Variants in DNAJC6 observed in about 807,000 individuals in gnomAD.
DNAJC6 encodes the protein DnaJ heat shock protein family (Hsp40) member C6, also known as auxilin.
DNAJC6 carries 34 observed loss-of-function variants against 110.0 expected under a neutral mutation model. That is an observed-to-expected ratio of 0.31 (90% CI 0.24 to 0.41). The LOEUF (loss-of-function observed/expected upper bound fraction) is 0.41. Ranked by LOEUF, DNAJC6 falls within the 10% of genes least tolerant of loss-of-function variation. DNAJC6 has a pLI of 1.00. For missense variants in DNAJC6, 1,031 were observed against 1,207.8 expected, an observed-to-expected ratio of 0.85 and a Z score of 2.17; for synonymous variants, 406 against 437.2, an observed-to-expected ratio of 0.93 and a Z score of 0.89.
intron 1 of DNAJC6, among the ~76,000 whole-genome samples, chr1:65,314,481 T>G (rs6588129): frequency 0.47 from 71,636 of 152,060 alleles, 17,444 homozygotes; most frequent in Non-Finnish European, 0.56. Context: ...TTTATATAAC[T>G]TATTTTTTAT....
intron 4 of DNAJC6, among the ~76,000 whole-genome samples, chr1:65,371,084 A>T (rs892546453): frequency 6.6e-6 from 1 of 152,218 alleles, no homozygotes; most frequent in Middle Eastern, 3.2e-3. Context: ...CATGAATTGA[A>T]TGTCTTAACC....
intron 1 of DNAJC6, among the ~76,000 whole-genome samples, chr1:65,271,625 C>T (rs373009500): frequency 2.1e-4 from 32 of 151,922 alleles, no homozygotes; most frequent in African/African-American, 6.8e-4. Flanking sequence ...CTAGCACTTT[C>T]GGAGGTGGAG....
intron 1 of DNAJC6, among the ~76,000 whole-genome samples, chr1:65,326,178 C>A (rs1017509454): frequency 1.3e-5 from 2 of 152,174 alleles, no homozygotes; most frequent in African/African-American, 4.8e-5. Flanking sequence ...TGGGAGAGAA[C>A]CTGGGACTGT....
chr1:65,346,353 T>G (rs757793718), intron 1 of DNAJC6, among the ~76,000 whole-genome samples: 1 of 151,448 alleles, frequency 6.6e-6, no homozygotes, highest in Non-Finnish European at 1.5e-5. Context: ...TAATCTGCTC[T>G]GCGAACAGCT....
chr1:65,278,356 G>A (rs1276232101), intron 1 of DNAJC6, among the ~76,000 whole-genome samples: 3 of 152,204 alleles, frequency 2.0e-5, no homozygotes, highest in Non-Finnish European at 4.4e-5. Flanking sequence ...GTTCTGAAAG[G>A]CAACAGAGTG....
At chr1:65,359,379 A>T (rs1306926394) in intron 1 of DNAJC6, among the ~76,000 whole-genome samples, 1 of 152,208 alleles carries the variant, frequency 6.6e-6, no homozygotes, top group East Asian at 1.9e-4. Flanking sequence ...CTTATTTCTT[A>T]CACCCTTAAA....
chr1:65,395,720 A>G (rs1570370054), intron 13 of DNAJC6, among the ~76,000 whole-genome samples: 1 of 152,338 alleles, frequency 6.6e-6, no homozygotes, highest in East Asian at 1.9e-4. Flanking sequence ...GTGTCTTTTT[A>G]CTTTTTAAAA....
upstream of DNAJC6, chr1:65,306,374 A>G (rs12071391): frequency 0.059 from 9,048 of 152,234 alleles, 320 homozygotes; most frequent in Non-Finnish European, 0.079. Context: ...TCAATGTATT[A>G]TATTCTCTGG....
At chr1:65,375,569 G>T (rs1252149401) in intron 4 of DNAJC6, among the ~76,000 whole-genome samples, 1 of 152,032 alleles carries the variant, frequency 6.6e-6, no homozygotes, top group African/African-American at 2.4e-5. Context: ...CGGACTACAG[G>T]CACCTGCCAC....
At chr1:65,319,862 A>T (rs1039469376) in intron 1 of DNAJC6, among the ~76,000 whole-genome samples, 1 of 151,178 alleles carries the variant, frequency 6.6e-6, no homozygotes, top group Non-Finnish European at 1.5e-5. Context: ...CCCATCTTCA[A>T]CTTCCTTATC....
chr1:65,275,598 C>T (rs762586207), intron 1 of DNAJC6, among the ~76,000 whole-genome samples: 4 of 152,100 alleles, frequency 2.6e-5, no homozygotes, highest in Non-Finnish European at 5.9e-5. Flanking sequence ...TGAATCTGTG[C>T]GGCTTGAGGT....
At chr1:65,354,176 C>A (rs959218947) in intron 1 of DNAJC6, among the ~76,000 whole-genome samples, 1 of 152,128 alleles carries the variant, frequency 6.6e-6, no homozygotes, top group African/African-American at 2.4e-5. Context: ...TGCAAGCTGA[C>A]TGCTCTGAGT....
At chr1:65,339,153 A>G (rs1470998394) in intron 1 of DNAJC6, among the ~76,000 whole-genome samples, 2 of 152,226 alleles carry the variant, frequency 1.3e-5, no homozygotes, top group Non-Finnish European at 2.9e-5. Flanking sequence ...TACCTGAGTA[A>G]ATAAATAGGC....
chr1:65,304,855 A>G (rs1006280698), upstream of DNAJC6, among the ~76,000 whole-genome samples: 2 of 152,240 alleles, frequency 1.3e-5, no homozygotes, highest in Non-Finnish European at 2.9e-5. Flanking sequence ...TATGGTCCTC[A>G]GACTGGAGCC....
At chr1:65,283,872 A>G (rs1653928930) in intron 1 of DNAJC6, among the ~76,000 whole-genome samples, 1 of 152,052 alleles carries the variant, frequency 6.6e-6, no homozygotes, top group Non-Finnish European at 1.5e-5. Flanking sequence ...TGATACATTG[A>G]CTTTTTGCCC....
At chr1:65,411,171 G>A in intron 17 of DNAJC6, 79 bp from the exon 18 acceptor site, 1 of 1,431,366 alleles carries the variant, frequency 7.0e-7, no homozygotes, top group Non-Finnish European at 9.5e-7. Flanking sequence ...GGAGCAGAAG[G>A]GGTTTCTAGA....
At position 65,379,469 on chromosome 1, in the gene DNAJC6, A is replaced by T; in HGVS notation, c.611A>T (p.Asn204Ile). The change falls in exon 5 of 19, where the codon AAT becomes ATT. Residue 204 changes from asparagine (N) to isoleucine (I), a missense_variant. Transcript: ENST00000371069. ...SLHNLFAVCR[N>I]MYNWLLQNPK... ...CACAACCTTTTTGCTGTGTGTCGGA[A>T]TATGTATAACTGGCTACTGCAGAAT... 1 of 1,614,156 alleles carries T rather than the reference A, an allele frequency of 6.2e-7. No homozygotes were observed. The highest frequency in any genetic ancestry group is 8.5e-7 in the Non-Finnish European group (1 of 1,179,986).
chr1:65,313,152 A>G (rs1448280427), intron 1 of DNAJC6, among the ~76,000 whole-genome samples: 2 of 151,986 alleles, frequency 1.3e-5, no homozygotes. Context: ...TCCTGGGCTC[A>G]AATGACCCTC....
chr1:65,386,580 C>T (rs1230285971), intron 7 of DNAJC6, among the ~76,000 whole-genome samples: 1 of 152,186 alleles, frequency 6.6e-6, no homozygotes, highest in Non-Finnish European at 1.5e-5. Flanking sequence ...TGGGCAATTG[C>T]AGTCCAGATG....
Sources: gnomAD v4.1 joint callset for allele counts (sites outside exome capture counted in the v4.1 genomes callset) on GRCh38, gnomAD v4.1.1 for gene constraint, MANE v1.5 for transcripts, NCBI Gene and HGNC (gene_info 2026-07-23, HGNC 2026-07-21) for gene names.